TBC1D22B: variants seen among roughly 807,000 people sequenced by gnomAD.
TBC1D22B encodes the protein chromosome 6 open reading frame 197.
TBC1D22B carries 32 observed loss-of-function variants against 69.1 expected under a neutral mutation model. The observed-to-expected ratio is 0.46, with a 90% CI of 0.35 to 0.62. The LOEUF is 0.62. Among genes scored for constraint, TBC1D22B ranks in the 20% least tolerant of loss-of-function variants. The pLI is 0.00. For missense variants in TBC1D22B, 462 were observed against 630.9 expected (o/e 0.73, Z 2.87); for synonymous variants, 206 against 229.8 (o/e 0.90, Z 0.94).
At chr6:37,325,329 C>CT (rs1293611901) in intron 12 of TBC1D22B, among the ~76,000 whole-genome samples, 1 of 152,050 alleles carries the variant, frequency 6.6e-6, no homozygotes, top group Non-Finnish European at 1.5e-5. Flanking sequence ...AATTGGGAAT[C>CT]TCTTTCTGAT....
intron 3 of TBC1D22B, 110 bp from the exon 4 acceptor site, chr6:37,282,075 G>A (rs907001595): frequency 7.9e-6 from 10 of 1,262,984 alleles, no homozygotes; most frequent in Non-Finnish European, 1.1e-5. Context: ...GTGCACACAG[G>A]CAGCCACACC....
chr6:37,312,743 G>A (rs573082932), intron 8 of TBC1D22B, among the ~76,000 whole-genome samples, 175 bp from the exon 9 acceptor site: 33 of 152,190 alleles, frequency 2.2e-4, no homozygotes, highest in Admixed American at 8.5e-4. Flanking sequence ...TGTTCTTGAA[G>A]GGACATATTT....
intron 8 of TBC1D22B, among the ~76,000 whole-genome samples, chr6:37,307,505 G>A (rs991684316): frequency 2.0e-5 from 3 of 151,830 alleles, no homozygotes; most frequent in African/African-American, 7.3e-5. Flanking sequence ...ACAGGCACCT[G>A]CCACCATGCC....
intron 8 of TBC1D22B, 51 bp from the exon 9 acceptor site, chr6:37,312,867 T>A: frequency 6.8e-7 from 1 of 1,462,250 alleles, no homozygotes; most frequent in Non-Finnish European, 9.6e-7. Flanking sequence ...TATCTTTCTC[T>A]CTCCATTTTT....
intron 8 of TBC1D22B, among the ~76,000 whole-genome samples, chr6:37,292,443 A>G (rs1767216041): frequency 6.6e-6 from 1 of 152,154 alleles, no homozygotes. Context: ...GGCAACTAAG[A>G]AAGCTTTTTC....
intron 8 of TBC1D22B, among the ~76,000 whole-genome samples, chr6:37,292,555 C>T (rs1452320256): frequency 6.6e-6 from 1 of 152,046 alleles, no homozygotes; most frequent in African/African-American, 2.4e-5. Flanking sequence ...ATCAAGAGAG[C>T]ATTTCAGCTG....
chr6:37,304,106 AG>A (rs1767641156), intron 8 of TBC1D22B, among the ~76,000 whole-genome samples: 1 of 152,228 alleles, frequency 6.6e-6, no homozygotes, highest in Non-Finnish European at 1.5e-5. Flanking sequence ...ACTGGAGGGC[AG>A]TGAGTTACAC....
intron 6 of TBC1D22B, 75 bp from the exon 7 acceptor site, chr6:37,286,932 G>A (rs1234604995): frequency 2.9e-5 from 39 of 1,351,864 alleles, no homozygotes; most frequent in Admixed American, 7.6e-5. Context: ...GGACAAGAGC[G>A]AGACTTCATC....
intron 12 of TBC1D22B, among the ~76,000 whole-genome samples, chr6:37,330,222 CT>C (rs67372032): frequency 8.5e-4 from 64 of 75,524 alleles, no homozygotes; most frequent in South Asian, 9.7e-4. Context: ...TTGTCCGTTT[CT>C]TTTTTTTTTT....
intron 12 of TBC1D22B, among the ~76,000 whole-genome samples, chr6:37,320,570 A>G (rs1175531676): frequency 6.6e-6 from 1 of 152,154 alleles, no homozygotes; most frequent in Non-Finnish European, 1.5e-5. Context: ...TTTTTAACAT[A>G]ATGAGTAAAC....
intron 12 of TBC1D22B, among the ~76,000 whole-genome samples, chr6:37,324,655 C>T (rs769764223): frequency 6.9e-6 from 1 of 144,704 alleles, no homozygotes; most frequent in Non-Finnish European, 1.5e-5. Context: ...TAAAAATGAA[C>T]AAAAAAAAAA....
chr6:37,281,632 T>C (rs73419895), intron 3 of TBC1D22B, among the ~76,000 whole-genome samples: 4,854 of 152,252 alleles, frequency 0.032, 244 homozygotes, highest in African/African-American at 0.11. Flanking sequence ...TTGGAGCAGC[T>C]GGGGGTTCTG....
Position 37,317,125 on chromosome 6 carries a change from GT to G in TBC1D22B, c.1310del (p.Phe437SerfsTer13), listed in dbSNP as rs763657737. 6.4e-7 allele frequency: 1 copy of G among 1,571,908 alleles called. No individual in the cohort carries two copies. The highest frequency in any genetic ancestry group is 1.2e-5 in the South Asian group (1 of 85,788). On this transcript the variant is annotated frameshift_variant, in exon 12 of 13. Coordinates refer to ENST00000373491, the MANE Select transcript of TBC1D22B (RefSeq NM_017772.4). LOFTEE classifies it high-confidence loss of function. Reference sequence around the variant, plus strand: ...CTGCTTCCCAGTCTGAACCAGAAGGGTTCTCCCACTTTCATCTCTACGTGTG... The same window carrying G: ...CTGCTTCCCAGTCTGAACCAGAAGGGTCTCCCACTTTCATCTCTACGTGTG... ...WDTYQSEPEG[F>X]SHFHLYVCAA...
chr6:37,313,957 C>A, intron 10 of TBC1D22B, 66 bp downstream of exon 10: 1 of 1,437,296 alleles, frequency 7.0e-7, no homozygotes, highest in Non-Finnish European at 9.8e-7. Flanking sequence ...GGCGGTTGTG[C>A]TTGTGGGTCC....
At chr6:37,307,900 C>G (rs1223492695) in intron 8 of TBC1D22B, among the ~76,000 whole-genome samples, 1 of 152,196 alleles carries the variant, frequency 6.6e-6, no homozygotes, top group Admixed American at 6.5e-5. Flanking sequence ...AGACAAGTTA[C>G]TCTTGTTGGT....
intron 2 of TBC1D22B, among the ~76,000 whole-genome samples, chr6:37,271,882 A>G (rs748586732): frequency 6.4e-5 from 9 of 141,330 alleles, no homozygotes; most frequent in Non-Finnish European, 1.4e-4. Flanking sequence ...ATCAGAAACC[A>G]CTATTGTATA....
intron 1 of TBC1D22B, among the ~76,000 whole-genome samples, chr6:37,266,930 C>CTTTTTTTTTTTTTTTTTTTTTTT (rs35702920): frequency 1.8e-5 from 1 of 54,858 alleles, no homozygotes; most frequent in African/African-American, 7.5e-5. Context: ...TTTTCTTCGT[C>CTTTTTTTTTTTTTTTTTTTTTTT]TTTTTTTTTT....
At chr6:37,288,032 G>A (rs752497634) in intron 7 of TBC1D22B, among the ~76,000 whole-genome samples, 8 of 152,306 alleles carry the variant, frequency 5.3e-5, no homozygotes, top group South Asian at 2.1e-4. Flanking sequence ...CTTTACAGTA[G>A]CCAGGACACT....
chr6:37,325,064 C>A (rs760263318), intron 12 of TBC1D22B, among the ~76,000 whole-genome samples: 12 of 152,186 alleles, frequency 7.9e-5, no homozygotes, highest in Non-Finnish European at 1.8e-4. Context: ...ATTCTCCCAC[C>A]TTTATTGGAC....
Sources: allele counts gnomAD v4.1 joint callset (sites outside exome capture counted in the v4.1 genomes callset), GRCh38; gene constraint gnomAD v4.1.1; transcripts MANE v1.5; gene names NCBI Gene and HGNC (gene_info 2026-07-23, HGNC 2026-07-21).